The following ACOT7 variants were observed in gnomAD, a reference collection of about 807,000 sequenced individuals.
ACOT7 encodes the protein cytosolic acyl coenzyme A thioester hydrolase.
A neutral mutation model predicts 40.2 loss-of-function variants in ACOT7; 12 were observed. The ratio of observed to expected loss-of-function variants is 0.30; its 90% confidence interval spans 0.19 to 0.48. The LOEUF (loss-of-function observed/expected upper bound fraction) is 0.48, where lower values mean the gene tolerates loss of function less well. ACOT7 is among the 20% of genes least tolerant of loss of function. ACOT7 has a pLI of 0.99. For missense variants in ACOT7, 395 were observed against 530.8 expected (o/e 0.74, Z 2.51); for synonymous variants, 228 against 219.5 (o/e 1.04, Z -0.34).
intron 8 of ACOT7, among the ~76,000 whole-genome samples, chr1:6,272,808 T>A (rs189496864): frequency 2.4e-4 from 37 of 152,252 alleles, no homozygotes; most frequent in African/African-American, 8.4e-4. Flanking sequence ...CCCTGACAGA[T>A]CTCTCGCTCA....
At position 6,306,997 on chromosome 1, in the gene ACOT7, T is replaced by C; in HGVS notation, c.712+11495A>G. 9.2e-7 allele frequency: 1 copy of C among 1,084,122 alleles called. No individual in the cohort carries two copies. Among genetic ancestry groups the C allele is most frequent in the Non-Finnish European group, 1.2e-6 (1 of 808,312 alleles). 67.2% of individuals were successfully genotyped at this position (1,084,122 alleles called of 1,614,324 possible). On this transcript the variant is annotated intron_variant, in intron 6 of 8. Transcript: ENST00000361521. The surrounding 1 kb of genome is among the most constrained non-coding windows in gnomAD (Gnocchi z 4.3). ...TCCCATGTTTTCTCTGCCTTCCCTT[T>C]CCTCTGCCTCCTCCTATAGTCTCAG...
At chr1:6,388,949 G>C (rs1642486756) in intron 1 of ACOT7, among the ~76,000 whole-genome samples, 1 of 151,500 alleles carries the variant, frequency 6.6e-6, no homozygotes, top group Non-Finnish European at 1.5e-5. Flanking sequence ...GCTGAGGCAG[G>C]AGAATGGCGT....
At chr1:6,303,365 C>T (rs900998870) in intron 6 of ACOT7, among the ~76,000 whole-genome samples, 2 of 152,184 alleles carry the variant, frequency 1.3e-5, no homozygotes, top group African/African-American at 2.4e-5. Flanking sequence ...AATGTATACA[C>T]GTTAGGTACC....
Position 6,264,594 on chromosome 1 carries a change from A to C in ACOT7, c.*3T>G, listed in dbSNP as rs777295212. The C allele has an allele frequency of 6.2e-7, 1 of 1,607,522 alleles. No homozygotes were observed. The highest frequency in any genetic ancestry group is 1.3e-5 in the African/African-American group (1 of 74,754). On this transcript the variant is annotated 3_prime_UTR_variant, in exon 9 of 9. Transcript: ENST00000361521. The stretch of plus-strand genomic sequence containing the variant: ...CGAGGCACCAGTGGCAGGAGGAGGG[A>C]GTCTAGGGCTGAGGCTCCGCGTGGC...
chr1:6,344,783 A>G (rs868668503), intron 2 of ACOT7, among the ~76,000 whole-genome samples: 3,734 of 150,084 alleles, frequency 0.025, 202 homozygotes, highest in African/African-American at 0.088. Flanking sequence ...AAAAAAAAAA[A>G]AAAAAAAGAA....
chr1:6,340,625 A>G (rs1641250357), intron 2 of ACOT7, among the ~76,000 whole-genome samples: 1 of 152,176 alleles, frequency 6.6e-6, no homozygotes, highest in Admixed American at 6.5e-5. Context: ...CTCGTTTCAC[A>G]GTTTTAGTCT....
chr1:6,270,147 C>T (rs1638986604), intron 8 of ACOT7, among the ~76,000 whole-genome samples: 1 of 152,228 alleles, frequency 6.6e-6, no homozygotes, highest in Admixed American at 6.5e-5. Flanking sequence ...AGGGGCCACC[C>T]TGTCCCGCTG....
At chr1:6,312,832 C>T (rs1304793449) in intron 6 of ACOT7, among the ~76,000 whole-genome samples, 1 of 152,152 alleles carries the variant, frequency 6.6e-6, no homozygotes, top group Non-Finnish European at 1.5e-5. Context: ...AATATATATA[C>T]CTACTATGTA....
intron 6 of ACOT7, among the ~76,000 whole-genome samples, chr1:6,307,367 T>C (rs1284311469): frequency 6.6e-6 from 1 of 152,266 alleles, no homozygotes; most frequent in African/African-American, 2.4e-5. Flanking sequence ...GTCATTCAGC[T>C]ACTGAGTGCT....
chr1:6,356,545 A>G (rs1641749414), intron 1 of ACOT7, among the ~76,000 whole-genome samples: 2 of 152,248 alleles, frequency 1.3e-5, no homozygotes, highest in South Asian at 2.1e-4. Context: ...CCTGCAGGGC[A>G]CTGAACCCTG....
chr1:6,319,920 G>T (rs1640596284), intron 5 of ACOT7, among the ~76,000 whole-genome samples: 1 of 152,246 alleles, frequency 6.6e-6, no homozygotes, highest in East Asian at 1.9e-4. Context: ...TTGGCCCTGG[G>T]TCTGAAACGC....
intron 7 of ACOT7, among the ~76,000 whole-genome samples, chr1:6,292,394 A>G (rs1351726373): frequency 6.6e-6 from 1 of 152,206 alleles, no homozygotes; most frequent in Non-Finnish European, 1.5e-5. Context: ...AATCCAAGTG[A>G]ATGTCCTGCC....
chr1:6,380,248 G>C (rs1035931232), intron 1 of ACOT7, among the ~76,000 whole-genome samples: 1 of 151,468 alleles, frequency 6.6e-6, no homozygotes, highest in Non-Finnish European at 1.5e-5. Context: ...ATAGAACAGA[G>C]AGCCCAGAAA....
At chr1:6,360,772 T>A (rs566396904) in intron 1 of ACOT7, 2 of 1,529,776 alleles carry the variant, frequency 1.3e-6, no homozygotes, top group Non-Finnish European at 8.8e-7. Flanking sequence ...CAGGCGGGCA[T>A]TGCTGCCTCC....
chr1:6,391,374 C>T (rs1486452160), intron 1 of ACOT7, among the ~76,000 whole-genome samples: 10 of 152,098 alleles, frequency 6.6e-5, no homozygotes, highest in Non-Finnish European at 8.8e-5. Flanking sequence ...GGCGTGGTGG[C>T]GCACTCTTGT....
At chr1:6,326,560 C>A (rs1640803631) in intron 5 of ACOT7, among the ~76,000 whole-genome samples, 1 of 152,164 alleles carries the variant, frequency 6.6e-6, no homozygotes, top group African/African-American at 2.4e-5. Context: ...AACAGTGGGG[C>A]CGGGAAGAAG....
At chr1:6,349,707 T>C in intron 2 of ACOT7, 42 bp downstream of exon 2, 1 of 1,572,392 alleles carries the variant, frequency 6.4e-7, no homozygotes, top group East Asian at 2.3e-5. Context: ...CTCACACTGG[T>C]GCGGCCTCCA....
chr1:6,358,860 C>G lies in ACOT7; in HGVS notation c.144-8994G>C, dbSNP rs766918838. Reference sequence around the variant, plus strand: ...TGGAAAGCCATGGTGGCTAGGACATCCCAGGATCAGATGCAGAGAAAGGCG... The same window carrying G: ...TGGAAAGCCATGGTGGCTAGGACATGCCAGGATCAGATGCAGAGAAAGGCG... On this transcript the variant is annotated intron_variant, in intron 1 of 8. Transcript: ENST00000361521. The surrounding 1 kb of genome is among the most constrained non-coding windows in gnomAD (Gnocchi z 4.1). 1.2e-6 allele frequency: 2 copies of G among 1,613,758 alleles called. No individual in the cohort carries two copies. The highest frequency in any genetic ancestry group is 1.7e-6 in the Non-Finnish European group (2 of 1,179,802).
rs370476555 is a variant in ACOT7, at chr1:6,312,757, C to T, written c.712+5735G>A. Among the ~76,000 whole-genome samples the T allele has an allele frequency of 2.0e-4, 31 of 152,300 alleles. No homozygotes were observed. In the East Asian group the frequency reaches 3.3e-3, roughly 16 times the overall value. ...TGCTGGGACTACAGGCGTGAGCCAC[C>T]GCACCTGGCCGATGTACTAATTTCA... On this transcript the variant is annotated intron_variant, in intron 6 of 8. Coordinates refer to ENST00000361521, the MANE Select transcript of ACOT7 (RefSeq NM_007274.4).
Sources: gnomAD v4.1 joint callset for allele counts (sites outside exome capture counted in the v4.1 genomes callset) on GRCh38, gnomAD v4.1.1 for gene constraint, Gnocchi (gnomAD v3.1) non-coding constraint, MANE v1.5 for transcripts, NCBI Gene and HGNC (gene_info 2026-07-23, HGNC 2026-07-21) for gene names.